The following MME variants were observed in gnomAD, a reference collection of about 807,000 sequenced individuals.
The protein encoded by MME is membrane metalloendopeptidase.
In MME, 98 loss-of-function variants were observed where a neutral mutation model predicts 113.2. The ratio of observed to expected loss-of-function variants is 0.87; its 90% CI spans 0.74 to 1.02. The LOEUF is 1.02. Among genes scored for constraint, MME ranks in the 50% least tolerant of loss-of-function variants. MME has a pLI of 0.00. For synonymous variants in MME, 292 were observed against 300.6 expected (o/e 0.97, Z 0.30); for missense variants, 836 against 896.0 (o/e 0.93, Z 0.86).
rs1435834817 is a variant in MME at position 155,181,092 on chromosome 3, T to A, written c.*633T>A. On this transcript the variant is annotated 3_prime_UTR_variant, in exon 23 of 23. Coordinates refer to ENST00000360490, the MANE Select transcript of MME (RefSeq NM_007289.4). ...TAAAATTGTTTTTTGTTGTACCTGC[T>A]TTGACTGATGCTGAGATTCTTCAGG... 6.6e-6 allele frequency: 1 copy of A among 152,566 alleles called. No individual in the cohort carries two copies. Among genetic ancestry groups the A allele is most frequent in the African/African-American group, 2.4e-5 (1 of 41,452 alleles). The allele number at this position is 152,566 out of a possible 1,614,324, so 9.5% of individuals were successfully genotyped here. A position where few individuals can be genotyped will look rare whatever the true frequency, so the allele number is the denominator to read the frequency against.
At chr3:155,141,460 G>T (rs1721080640) in intron 10 of MME, among the ~76,000 whole-genome samples, 1 of 152,000 alleles carries the variant, frequency 6.6e-6, no homozygotes, top group Non-Finnish European at 1.5e-5. Flanking sequence ...GTATAAACAT[G>T]GCATGCCTGT....
At chr3:155,108,131 A>G (rs1717853939) in intron 3 of MME, among the ~76,000 whole-genome samples, 1 of 152,158 alleles carries the variant, frequency 6.6e-6, no homozygotes, top group Admixed American at 6.5e-5. Flanking sequence ...CTAACCTTGT[A>G]TTTCCCCTAG....
chr3:155,061,174 C>A (rs76552030), intron 1 of MME, among the ~76,000 whole-genome samples: 1 of 152,114 alleles, frequency 6.6e-6, no homozygotes, highest in Admixed American at 6.5e-5. Flanking sequence ...TATCGCCGGG[C>A]GGGCGCGGTG....
intron 16 of MME, among the ~76,000 whole-genome samples, chr3:155,159,988 G>A (rs1371400318): frequency 6.6e-6 from 1 of 151,976 alleles, no homozygotes; most frequent in African/African-American, 2.4e-5. Context: ...TGGATCTGAA[G>A]TTTTAATGAC....
At chr3:155,124,212 A>G (rs1219177873) in intron 8 of MME, among the ~76,000 whole-genome samples, 11 of 151,640 alleles carry the variant, frequency 7.3e-5, no homozygotes, top group Middle Eastern at 3.2e-3. Flanking sequence ...TGATCGCATC[A>G]GCTCCTGAGG....
chr3:155,086,336 G>C (rs1315668652), intron 3 of MME, among the ~76,000 whole-genome samples: 2 of 152,216 alleles, frequency 1.3e-5, no homozygotes, highest in Non-Finnish European at 2.9e-5. Flanking sequence ...GGTGGATGTG[G>C]ATGTGTTTGG....
chr3:155,071,179 A>G (rs749306676), intron 1 of MME, among the ~76,000 whole-genome samples: 2 of 152,156 alleles, frequency 1.3e-5, no homozygotes, highest in East Asian at 3.8e-4. Flanking sequence ...TTCTCTGCGT[A>G]TTGCCAGTAA....
intron 1 of MME, chr3:155,081,218 A>G (rs1368040864): frequency 1.3e-5 from 2 of 152,222 alleles, no homozygotes; most frequent in African/African-American, 4.8e-5. Flanking sequence ...AGTTAATGTT[A>G]TAATGTGCAG....
At chr3:155,086,668 C>T (rs1053708874) in intron 3 of MME, among the ~76,000 whole-genome samples, 1 of 152,164 alleles carries the variant, frequency 6.6e-6, no homozygotes, top group East Asian at 1.9e-4. Context: ...CTGAGGGCAG[C>T]ACCTGGGATA....
At chr3:155,163,521 A>T (rs576040210) in intron 17 of MME, among the ~76,000 whole-genome samples, 14 of 152,314 alleles carry the variant, frequency 9.2e-5, no homozygotes, top group African/African-American at 3.4e-4. Flanking sequence ...GTGCCATGAC[A>T]TTAGGAAAGC....
At chr3:155,173,273 A>G (rs957219417) in intron 22 of MME, among the ~76,000 whole-genome samples, 15 of 151,924 alleles carry the variant, frequency 9.9e-5, no homozygotes, top group African/African-American at 3.6e-4. Context: ...CCCCTTTCCC[A>G]TGTACTAGAA....
At chr3:155,088,488 A>G (rs912476586) in intron 3 of MME, among the ~76,000 whole-genome samples, 1 of 152,152 alleles carries the variant, frequency 6.6e-6, no homozygotes, top group African/African-American at 2.4e-5. Flanking sequence ...GTTCAAGACC[A>G]GCCTGACCAA....
chr3:155,079,467 G>C (rs903772460), upstream of MME, among the ~76,000 whole-genome samples: 3 of 152,074 alleles, frequency 2.0e-5, no homozygotes, highest in African/African-American at 7.2e-5. Context: ...TGGTGAGATG[G>C]GGGGTGGGGA....
intron 1 of MME, among the ~76,000 whole-genome samples, chr3:155,066,964 C>T (rs1714399361): frequency 6.6e-6 from 1 of 152,170 alleles, no homozygotes; most frequent in Non-Finnish European, 1.5e-5. Flanking sequence ...ACCCCTACAA[C>T]CATCTCACCT....
intron 1 of MME, chr3:155,083,857 C>G (rs1271848974): frequency 5.8e-6 from 2 of 345,306 alleles, no homozygotes; most frequent in African/African-American, 4.3e-5. Context: ...TGAATTAATC[C>G]TACTTGAGTA....
At position 155,163,168 on chromosome 3, in the gene MME, C is replaced by T. The variant is rs192126097; in HGVS notation, c.1660+2720C>T. 1.5e-4 allele frequency among the ~76,000 whole-genome samples: 23 copies of T among 152,066 alleles called. No homozygotes were observed. In the East Asian group the frequency reaches 1.7e-3, roughly 12 times the overall value. ...GGTTGGTATAGAGTAATATGTGCCA[C>T]GTAAGTGAGCCCCTCCCTCCATACA... is the stretch of plus-strand genomic sequence containing the variant. On this transcript the variant is annotated intron_variant, in intron 17 of 22. Transcript: ENST00000360490.
At chr3:155,127,218 C>A (rs1490144556) in intron 8 of MME, among the ~76,000 whole-genome samples, 2 of 152,082 alleles carry the variant, frequency 1.3e-5, no homozygotes, top group Non-Finnish European at 2.9e-5. Context: ...GTCTGTCATG[C>A]CAGTCTGGAA....
At chr3:155,062,861 C>A (rs940548089) in intron 1 of MME, among the ~76,000 whole-genome samples, 1 of 151,302 alleles carries the variant, frequency 6.6e-6, no homozygotes, top group Non-Finnish European at 1.5e-5. Context: ...CATGGTGAAA[C>A]CCTGTCTCTA....
At chr3:155,063,238 A>G (rs1362552217) in intron 1 of MME, among the ~76,000 whole-genome samples, 1 of 112,046 alleles carries the variant, frequency 8.9e-6, no homozygotes, top group East Asian at 2.3e-4. Context: ...ATTATTATAT[A>G]TTATATAATA....
Sources: allele counts gnomAD v4.1 joint callset (sites outside exome capture counted in the v4.1 genomes callset), GRCh38; gene constraint gnomAD v4.1.1; transcripts MANE v1.5; gene names NCBI Gene and HGNC (gene_info 2026-07-23, HGNC 2026-07-21).